Variants in CIMIP7 observed in about 807,000 individuals in gnomAD.
CIMIP7 encodes ciliary microtubule inner protein 7, also known as uncharacterized protein C3orf84.
At chr3:49,178,759 GGAACCCTTAT>G in the CIMIP7 span, among the ~76,000 whole-genome samples, 2 of 152,096 alleles carry the variant, frequency 1.3e-5, no homozygotes, top group Admixed American at 6.5e-5. Context: ...AGAAGCCCGT[GGAACCCTTAT>G]TGAGGAGGGT....
the CIMIP7 span, among the ~76,000 whole-genome samples, chr3:49,180,835 C>T: frequency 2.8e-5 from 4 of 144,976 alleles, no homozygotes; most frequent in Non-Finnish European, 6.0e-5. Context: ...GAGGTTGAGG[C>T]AGGAGAATGG....
the CIMIP7 span, chr3:49,189,921 T>C: frequency 1.2e-6 from 1 of 832,324 alleles, no homozygotes; most frequent in Non-Finnish European, 2.1e-6. Flanking sequence ...GTCCCAGGGA[T>C]AGGTGTCAGT....
the CIMIP7 span, chr3:49,189,870 A>C: frequency 3.9e-6 from 3 of 759,786 alleles, no homozygotes; most frequent in Non-Finnish European, 7.4e-6. Context: ...CCCTGTCTGT[A>C]GGGGAAAGAT....
the CIMIP7 span, chr3:49,178,504 T>C: frequency 6.2e-7 from 1 of 1,613,630 alleles, no homozygotes; most frequent in Non-Finnish European, 8.5e-7. Context: ...AGTACGGTTG[T>C]CGTGCTTGGA....
the CIMIP7 span, among the ~76,000 whole-genome samples, chr3:49,181,688 T>G: frequency 6.6e-6 from 1 of 152,146 alleles, no homozygotes. Context: ...CTAGAATATA[T>G]AAGGAAGTCT....
the CIMIP7 span, chr3:49,190,134 T>A: frequency 3.8e-6 from 6 of 1,599,344 alleles, no homozygotes; most frequent in Non-Finnish European, 5.1e-6. Context: ...GAAGCCATTG[T>A]TGTGCTATAA....
chr3:49,187,348 G>C, the CIMIP7 span, among the ~76,000 whole-genome samples: 10 of 152,198 alleles, frequency 6.6e-5, no homozygotes, highest in African/African-American at 2.4e-4. Flanking sequence ...ACTTGGAAGA[G>C]AAGTGGGCTT....
the CIMIP7 span, among the ~76,000 whole-genome samples, chr3:49,187,053 A>T: frequency 6.6e-6 from 1 of 152,166 alleles, no homozygotes; most frequent in African/African-American, 2.4e-5. Context: ...TAGAATGTAC[A>T]TGTCTTTCCT....
chr3:49,178,051 C>T, the CIMIP7 span: 1 of 1,591,754 alleles, frequency 6.3e-7, no homozygotes, highest in South Asian at 1.1e-5. Context: ...GCAATAGGGA[C>T]CCTCCTCAAC....
At chr3:49,182,505 G>A in the CIMIP7 span, among the ~76,000 whole-genome samples, 2 of 152,228 alleles carry the variant, frequency 1.3e-5, no homozygotes, top group Admixed American at 6.5e-5. Flanking sequence ...CAAACCTTGA[G>A]CTAGATACAG....
the CIMIP7 span, among the ~76,000 whole-genome samples, chr3:49,188,174 C>A: frequency 6.6e-6 from 1 of 152,218 alleles, no homozygotes; most frequent in Non-Finnish European, 1.5e-5. Flanking sequence ...GCTTGGTAGG[C>A]TGTAGCAGGC....
chr3:49,191,033 A>G, the CIMIP7 span, among the ~76,000 whole-genome samples: 1 of 152,140 alleles, frequency 6.6e-6, no homozygotes, highest in Non-Finnish European at 1.5e-5. Flanking sequence ...GGTCCAAGAA[A>G]GGGGCTGTAC....
chr3:49,190,285 T>G, the CIMIP7 span: 1 of 599,380 alleles, frequency 1.7e-6, no homozygotes, highest in Admixed American at 2.8e-5. Context: ...TCTAAGGAGT[T>G]AGGACACTCC....
At chr3:49,183,361 C>G in the CIMIP7 span, among the ~76,000 whole-genome samples, 10 of 152,186 alleles carry the variant, frequency 6.6e-5, no homozygotes, top group Admixed American at 6.5e-4. Flanking sequence ...AAGCCACTCT[C>G]AAAAACAGTT....
At chr3:49,178,335 GAA>G in the CIMIP7 span, 2 of 755,644 alleles carry the variant, frequency 2.6e-6, no homozygotes, top group Non-Finnish European at 4.4e-6. Context: ...TCCCAGAGGA[GAA>G]AGTTTGTGGG....
At chr3:49,191,614 TG>T in the CIMIP7 span, 1 of 970,416 alleles carries the variant, frequency 1.0e-6, no homozygotes, top group Non-Finnish European at 1.6e-6. Context: ...GGAGAGGAAG[TG>T]GGCGGCTCAG....
At chr3:49,181,113 G>A in the CIMIP7 span, among the ~76,000 whole-genome samples, 160 of 151,778 alleles carry the variant, frequency 1.1e-3, 1 homozygote, top group South Asian at 0.018. Context: ...AGGCAGAGGC[G>A]GATAGATCAC....
the CIMIP7 span, among the ~76,000 whole-genome samples, chr3:49,180,619 T>C: frequency 2.3e-4 from 35 of 152,162 alleles, no homozygotes; most frequent in Non-Finnish European, 3.7e-4. Context: ...GTAGAGCTTA[T>C]TGTATGTGTG....
chr3:49,190,204 G>A, the CIMIP7 span: 1 of 1,172,324 alleles, frequency 8.5e-7, no homozygotes, highest in Non-Finnish European at 1.2e-6. Context: ...AGACCTCAGG[G>A]CCCCAACTGA....
Sources: allele counts gnomAD v4.1 joint callset (sites outside exome capture counted in the v4.1 genomes callset), GRCh38; gene constraint gnomAD v4.1.1; transcripts MANE v1.5; gene names NCBI Gene and HGNC (gene_info 2026-07-23, HGNC 2026-07-21).